CTNNA2: variants seen among roughly 807,000 people sequenced by gnomAD.
CTNNA2 encodes the protein catenin alpha 2.
CTNNA2 carries 42 observed loss-of-function variants against 101.0 expected under a neutral mutation model. That is an observed-to-expected ratio of 0.42 (90% confidence interval 0.32 to 0.54). The LOEUF (loss-of-function observed/expected upper bound fraction) is 0.54. Ranked by LOEUF, CTNNA2 falls within the 20% of genes least tolerant of loss-of-function variation. The pLI, the probability that CTNNA2 is intolerant of heterozygous loss-of-function variation, is 0.14. For synonymous variants in CTNNA2, 450 were observed against 456.4 expected, an observed-to-expected ratio of 0.99 and a Z score of 0.18; for missense variants, 871 against 1,223.1, an observed-to-expected ratio of 0.71 and a Z score of 4.29.
chr2:80,586,674 T>A (rs1264353934), intron 14 of CTNNA2, among the ~76,000 whole-genome samples: 1 of 152,232 alleles, frequency 6.6e-6, no homozygotes, highest in East Asian at 1.9e-4. Context: ...ATCAAGCACC[T>A]TTTCAAATAC....
At chr2:79,710,266 T>C (rs1424363520) in intron 2 of CTNNA2, among the ~76,000 whole-genome samples, 1 of 152,200 alleles carries the variant, frequency 6.6e-6, no homozygotes, top group Non-Finnish European at 1.5e-5. Context: ...AGTACATCCT[T>C]CCGTAATGTT....
intron 9 of CTNNA2, among the ~76,000 whole-genome samples, chr2:80,517,948 C>T (rs529351265): frequency 7.2e-5 from 11 of 152,294 alleles, no homozygotes; most frequent in African/African-American, 2.6e-4. Flanking sequence ...CCAGAATTCA[C>T]ATCCCTAAAG....
rs114483498 is a variant in CTNNA2 at position 80,386,704 on chromosome 2, A to G, written c.1057-6507A>G. On this transcript the variant is annotated intron_variant, in intron 7 of 18. Coordinates refer to ENST00000402739, the MANE Select transcript of CTNNA2 (RefSeq NM_001282597.3). ...CTTCCATTTCTTTCAAATGACAACA[A>G]TTTGAAAACTGGGCATTTGATTAGC... Among the ~76,000 whole-genome samples, 306 of 152,358 alleles carry G rather than the reference A, an allele frequency of 2.0e-3. 2 individuals carry two copies. In the Middle Eastern group the frequency reaches 0.024, roughly 12 times the overall value.
intron 6 of CTNNA2, among the ~76,000 whole-genome samples, chr2:79,906,853 T>C (rs1685462949): frequency 6.6e-6 from 1 of 152,232 alleles, no homozygotes; most frequent in African/African-American, 2.4e-5. Context: ...GCATTTCATA[T>C]GATAATTTGC....
chr2:79,293,984 A>C (rs1418046597), intron 2 of CTNNA2, among the ~76,000 whole-genome samples: 2 of 152,102 alleles, frequency 1.3e-5, no homozygotes, highest in African/African-American at 4.8e-5. Flanking sequence ...AATGGAATGA[A>C]ATAAAGTATG....
intron 7 of CTNNA2, among the ~76,000 whole-genome samples, chr2:80,080,458 A>C (rs1434776467): frequency 6.6e-6 from 1 of 152,222 alleles, no homozygotes; most frequent in Non-Finnish European, 1.5e-5. Flanking sequence ...AAATGTACAA[A>C]AATCAATTCA....
At chr2:79,776,277 A>G (rs1673958689) in intron 3 of CTNNA2, among the ~76,000 whole-genome samples, 1 of 151,742 alleles carries the variant, frequency 6.6e-6, no homozygotes, top group Non-Finnish European at 1.5e-5. Flanking sequence ...ATTTTTTTTT[A>G]AATAAATAAT....
At chr2:80,418,180 C>T (rs934809399) in intron 8 of CTNNA2, among the ~76,000 whole-genome samples, 7 of 152,152 alleles carry the variant, frequency 4.6e-5, no homozygotes, top group Non-Finnish European at 8.8e-5. Context: ...CCTTCTTACC[C>T]TAGGCGCTGC....
At chr2:80,630,597 G>A (rs112393559) in intron 18 of CTNNA2, among the ~76,000 whole-genome samples, 4 of 151,964 alleles carry the variant, frequency 2.6e-5, no homozygotes, top group African/African-American at 7.3e-5. Flanking sequence ...AGATTGCGCC[G>A]CTACACTCCA....
At chr2:80,547,371 A>G (rs568099420) in intron 11 of CTNNA2, among the ~76,000 whole-genome samples, 6 of 152,318 alleles carry the variant, frequency 3.9e-5, no homozygotes, top group Non-Finnish European at 8.8e-5. Flanking sequence ...TTTTGTTTTA[A>G]GAAAACTAAG....
chr2:79,743,511 A>G (rs1457856705), intron 2 of CTNNA2, among the ~76,000 whole-genome samples: 1 of 150,840 alleles, frequency 6.6e-6, no homozygotes, highest in Non-Finnish European at 1.5e-5. Context: ...CTCACATAAA[A>G]TTTTCCATTT....
intron 15 of CTNNA2, among the ~76,000 whole-genome samples, chr2:80,590,869 A>G (rs1696427336): frequency 6.6e-6 from 1 of 152,172 alleles, no homozygotes; most frequent in Non-Finnish European, 1.5e-5. Flanking sequence ...AAAAAGTCTG[A>G]GCCATTATTT....
rs375617101 is a variant in CTNNA2 at position 80,102,919 on chromosome 2, TG to T, written c.1056+193128del. ...CAGACTGGATCATAGTTCAGGACAG[TG>T]GGGGGCAGACCTAGAGCAAATACTG... is the stretch of plus-strand genomic sequence containing the variant. On this transcript the variant is annotated intron_variant, in intron 7 of 18. Transcript: ENST00000402739. 2.7e-3 allele frequency among the ~76,000 whole-genome samples: 412 copies of T among 152,164 alleles called. 1 individual carries two copies. The highest frequency in any genetic ancestry group is 8.8e-3 in the African/African-American group (366 of 41,508).
At chr2:79,912,986 G>A (rs1037291383) in intron 7 of CTNNA2, among the ~76,000 whole-genome samples, 6 of 152,172 alleles carry the variant, frequency 3.9e-5, no homozygotes, top group African/African-American at 1.2e-4. Flanking sequence ...CAACAAATGT[G>A]TATTGTCTGC....
chr2:79,571,108 A>C (rs1240871711), intron 1 of CTNNA2, among the ~76,000 whole-genome samples: 1 of 152,154 alleles, frequency 6.6e-6, no homozygotes, highest in African/African-American at 2.4e-5. Context: ...CATTAGAAGC[A>C]CTGATTCTGG....
chr2:80,479,806 A>T (rs1292754347), intron 9 of CTNNA2, among the ~76,000 whole-genome samples: 1 of 152,214 alleles, frequency 6.6e-6, no homozygotes, highest in African/African-American at 2.4e-5. Context: ...AATCACAGAT[A>T]TTGTGATAGG....
intron 2 of CTNNA2, among the ~76,000 whole-genome samples, chr2:79,669,240 G>A (rs1047173453): frequency 2.6e-5 from 4 of 152,198 alleles, no homozygotes; most frequent in African/African-American, 7.2e-5. Context: ...GTTGGTAATA[G>A]GATCAGTCAA....
At chr2:80,037,484 A>G (rs1695746031) in intron 7 of CTNNA2, among the ~76,000 whole-genome samples, 1 of 152,176 alleles carries the variant, frequency 6.6e-6, no homozygotes. Flanking sequence ...TTTGTTGACT[A>G]CTGAGGAGGA....
chr2:80,096,397 A>C (rs1031627316), intron 7 of CTNNA2, among the ~76,000 whole-genome samples: 1 of 152,094 alleles, frequency 6.6e-6, no homozygotes, highest in Non-Finnish European at 1.5e-5. Context: ...GTTCTTTTAC[A>C]TTTGCTGAGG....
Sources: allele counts gnomAD v4.1 joint callset (sites outside exome capture counted in the v4.1 genomes callset), GRCh38; gene constraint gnomAD v4.1.1; transcripts MANE v1.5; gene names NCBI Gene and HGNC (gene_info 2026-07-23, HGNC 2026-07-21).